Variants in PALM2AKAP2 observed in about 807,000 individuals in gnomAD.
PALM2AKAP2 encodes PALM2-AKAP2 fusion protein.
A neutral mutation model predicts 71.5 loss-of-function variants in PALM2AKAP2; 37 were observed. That is an observed-to-expected ratio of 0.52 (90% confidence interval 0.40 to 0.68). The LOEUF is 0.68. Among genes scored for constraint, PALM2AKAP2 ranks in the 30% least tolerant of loss-of-function variants. The probability of loss-of-function intolerance (pLI) is 0.00; values close to 1 mark genes in which losing one functional copy is unlikely to be tolerated. For missense variants in PALM2AKAP2, 1,224 were observed against 1,191.8 expected (o/e 1.03, Z -0.40); for synonymous variants, 468 against 478.8 (o/e 0.98, Z 0.29).
chr9:109,680,821 T>A (rs1385423585), intron 1 of PALM2AKAP2, among the ~76,000 whole-genome samples: 3 of 152,190 alleles, frequency 2.0e-5, no homozygotes, highest in African/African-American at 7.2e-5. Context: ...CTGCTAATCC[T>A]CCTGAGGTTT....
At chr9:109,937,918 AC>A (rs1831267287) in intron 6 of PALM2AKAP2, among the ~76,000 whole-genome samples, 1 of 152,198 alleles carries the variant, frequency 6.6e-6, no homozygotes, top group South Asian at 2.1e-4. Context: ...AAGCCCTTTG[AC>A]CCTCATCATT....
chr9:109,914,562 A>G (rs1830642343), intron 3 of PALM2AKAP2, among the ~76,000 whole-genome samples: 1 of 152,156 alleles, frequency 6.6e-6, no homozygotes, highest in South Asian at 2.1e-4. Flanking sequence ...ACTTCTTCTG[A>G]GGTTCTTGTT....
At chr9:109,991,723 G>A (rs1832486069) in intron 6 of PALM2AKAP2, among the ~76,000 whole-genome samples, 1 of 152,218 alleles carries the variant, frequency 6.6e-6, no homozygotes, top group South Asian at 2.1e-4. Flanking sequence ...GGCCGCTAAG[G>A]AAAGAGCAAA....
At chr9:110,074,258 G>A (rs529560426) in intron 1 of PALM2AKAP2, among the ~76,000 whole-genome samples, 74 of 152,250 alleles carry the variant, frequency 4.9e-4, no homozygotes, top group African/African-American at 1.6e-3. Flanking sequence ...AAGCTGAAGC[G>A]GGAGGATCCC....
At chr9:110,037,649 A>G (rs905316844) in intron 7 of PALM2AKAP2, among the ~76,000 whole-genome samples, 3 of 152,228 alleles carry the variant, frequency 2.0e-5, no homozygotes, top group African/African-American at 7.2e-5. Flanking sequence ...AAATACTATC[A>G]TATGAAAGAT....
exon 4 of PALM2AKAP2, chr9:110,170,217 A>C (rs41305613): frequency 6.5e-6 from 1 of 152,746 alleles, no homozygotes; most frequent in Non-Finnish European, 1.5e-5. Context: ...AAAGAAAAAA[A>C]AATAAACAGC....
intron 1 of PALM2AKAP2, among the ~76,000 whole-genome samples, chr9:109,841,960 G>A (rs1239538603): frequency 2.1e-5 from 3 of 140,526 alleles, no homozygotes; most frequent in African/African-American, 8.0e-5. Flanking sequence ...AGGGGAGGGT[G>A]AGGGGGATGG....
intron 1 of PALM2AKAP2, among the ~76,000 whole-genome samples, chr9:109,648,319 AAG>A (rs1827180482): frequency 6.6e-6 from 1 of 151,986 alleles, no homozygotes; most frequent in Non-Finnish European, 1.5e-5. Flanking sequence ...TATGTTTTCA[AAG>A]TTTTTAGCAT....
At chr9:109,815,059 G>A (rs770485341) in intron 1 of PALM2AKAP2, among the ~76,000 whole-genome samples, 50 of 152,308 alleles carry the variant, frequency 3.3e-4, no homozygotes, top group East Asian at 1.4e-3. Flanking sequence ...ACTGATCCAA[G>A]AATGAAATAG....
intron 1 of PALM2AKAP2, among the ~76,000 whole-genome samples, chr9:109,702,322 G>A (rs752473851): frequency 6.6e-6 from 1 of 152,284 alleles, no homozygotes; most frequent in East Asian, 1.9e-4. Context: ...ATTCACAATA[G>A]CAAAGACTTG....
chr9:110,036,837 A>T (rs186594176), intron 7 of PALM2AKAP2, among the ~76,000 whole-genome samples: 63 of 152,112 alleles, frequency 4.1e-4, no homozygotes, highest in African/African-American at 1.4e-3. Flanking sequence ...CTATGCTCGA[A>T]TGCTTTTCCC....
intron 1 of PALM2AKAP2, among the ~76,000 whole-genome samples, chr9:109,662,176 T>G (rs1827408053): frequency 1.3e-5 from 2 of 152,198 alleles, no homozygotes; most frequent in Non-Finnish European, 2.9e-5. Context: ...CCTGCCTGAT[T>G]GCCCTGGCCA....
intron 1 of PALM2AKAP2, among the ~76,000 whole-genome samples, chr9:109,829,344 C>T (rs1239775921): frequency 6.6e-6 from 1 of 152,096 alleles, no homozygotes; most frequent in Non-Finnish European, 1.5e-5. Flanking sequence ...GCATTTAGTG[C>T]ATTTATTATT....
chr9:110,047,481 G>A (rs548970311), upstream of PALM2AKAP2, among the ~76,000 whole-genome samples: 42 of 152,286 alleles, frequency 2.8e-4, no homozygotes, highest in African/African-American at 9.6e-4. Flanking sequence ...TCAGGCCATG[G>A]CTATTGTCTT....
chr9:109,721,977 G>A (rs1564125022), intron 1 of PALM2AKAP2, among the ~76,000 whole-genome samples: 2 of 152,108 alleles, frequency 1.3e-5, no homozygotes, highest in Admixed American at 1.3e-4. Flanking sequence ...ATTACAGACT[G>A]GAACCCAAAT....
At chr9:110,011,483 T>C (rs567992537) in intron 6 of PALM2AKAP2, among the ~76,000 whole-genome samples, 4 of 152,284 alleles carry the variant, frequency 2.6e-5, no homozygotes, top group Admixed American at 2.0e-4. Flanking sequence ...TAAAAGTCAT[T>C]GCTAAAATTC....
chr9:109,913,958 A>AGGATGTTAGCCTGGC (rs1830629586), intron 3 of PALM2AKAP2, among the ~76,000 whole-genome samples: 1 of 152,002 alleles, frequency 6.6e-6, no homozygotes, highest in Non-Finnish European at 1.5e-5. Context: ...GGGTTTCACC[A>AGGATGTTAGCCTGGC]TGTTAGCCAG....
chr9:109,641,590 C>T (rs1470729987), intron 1 of PALM2AKAP2, among the ~76,000 whole-genome samples: 1 of 152,156 alleles, frequency 6.6e-6, no homozygotes, highest in African/African-American at 2.4e-5. Context: ...GTTTGCATCC[C>T]TACATTGCTT....
chr9:109,670,446 A>T (rs990873656), intron 1 of PALM2AKAP2, among the ~76,000 whole-genome samples: 2 of 152,016 alleles, frequency 1.3e-5, no homozygotes, highest in Non-Finnish European at 2.9e-5. Flanking sequence ...AAATGACATG[A>T]TCTTGTTCTT....
Sources: allele counts gnomAD v4.1 joint callset (sites outside exome capture counted in the v4.1 genomes callset), GRCh38; gene constraint gnomAD v4.1.1; transcripts MANE v1.5; gene names NCBI Gene and HGNC (gene_info 2026-07-23, HGNC 2026-07-21).